DSCAM: variants seen among roughly 807,000 people sequenced by gnomAD.
DSCAM encodes the protein cell adhesion molecule DSCAM.
In DSCAM, 47 loss-of-function variants were observed where a neutral mutation model predicts 217.7. That is an observed-to-expected ratio of 0.22 (90% CI 0.17 to 0.28). The LOEUF (loss-of-function observed/expected upper bound fraction) is 0.28, where lower values mean the gene tolerates loss of function less well. Ranked by LOEUF, DSCAM falls within the 10% of genes least tolerant of loss-of-function variation. DSCAM has a pLI of 1.00. For synonymous variants in DSCAM, 1,056 were observed against 1,015.3 expected, an observed-to-expected ratio of 1.04 and a Z score of -0.76; for missense variants, 2,080 against 2,618.3, an observed-to-expected ratio of 0.79 and a Z score of 4.49.
intron 3 of DSCAM, among the ~76,000 whole-genome samples, chr21:40,387,741 G>GT (rs1432502276): frequency 5.3e-5 from 8 of 152,068 alleles, no homozygotes; most frequent in African/African-American, 1.9e-4. Context: ...ACTCGACAAT[G>GT]TTTACACAAT....
intron 3 of DSCAM, among the ~76,000 whole-genome samples, chr21:40,557,362 T>C (rs7277542): frequency 0.036 from 5,471 of 152,210 alleles, 337 homozygotes; most frequent in African/African-American, 0.13. Context: ...CTTGCTTCTT[T>C]TTTTCTTTTT....
At chr21:40,631,526 C>T (rs1476300725) in intron 3 of DSCAM, among the ~76,000 whole-genome samples, 1 of 152,184 alleles carries the variant, frequency 6.6e-6, no homozygotes, top group Middle Eastern at 3.2e-3. Flanking sequence ...ACCCCTGCAA[C>T]CCAATAAGAC....
intron 6 of DSCAM, among the ~76,000 whole-genome samples, chr21:40,342,435 G>C (rs1381323252): frequency 6.6e-6 from 1 of 151,370 alleles, no homozygotes; most frequent in East Asian, 1.9e-4. Context: ...GAATTATTCT[G>C]TTTTCTTTTG....
intron 3 of DSCAM, among the ~76,000 whole-genome samples, chr21:40,548,805 G>A (rs1314462564): frequency 2.0e-5 from 3 of 152,102 alleles, no homozygotes; most frequent in Admixed American, 6.6e-5. Context: ...TCCGTTAGAA[G>A]ACAAATTAAC....
At chr21:40,592,449 T>C (rs1026584380) in intron 3 of DSCAM, among the ~76,000 whole-genome samples, 2 of 152,150 alleles carry the variant, frequency 1.3e-5, no homozygotes, top group African/African-American at 4.8e-5. Context: ...CCTGCTCCAA[T>C]TGAAATAAAA....
intron 1 of DSCAM, among the ~76,000 whole-genome samples, chr21:40,777,723 C>T (rs2091501505): frequency 6.6e-6 from 1 of 151,968 alleles, no homozygotes; most frequent in African/African-American, 2.4e-5. Context: ...AAAAGAAAAT[C>T]ATTAAAAAGA....
chr21:40,159,073 C>T (rs1332114358), intron 16 of DSCAM, among the ~76,000 whole-genome samples: 1 of 152,100 alleles, frequency 6.6e-6, no homozygotes, highest in Admixed American at 6.5e-5. Flanking sequence ...ATAGCTGTGC[C>T]CTCCTGGCTG....
chr21:40,807,721 A>G (rs1312552111), intron 1 of DSCAM, among the ~76,000 whole-genome samples: 1 of 152,190 alleles, frequency 6.6e-6, no homozygotes, highest in Non-Finnish European at 1.5e-5. Context: ...AGAACCAGAG[A>G]GTGGTCAAGC....
chr21:40,176,558 C>G (rs1470837696), intron 15 of DSCAM, among the ~76,000 whole-genome samples: 1 of 152,156 alleles, frequency 6.6e-6, no homozygotes, highest in Non-Finnish European at 1.5e-5. Context: ...CCAGAGCACC[C>G]CATTCTAGGT....
intron 3 of DSCAM, chr21:40,615,349 C>T (rs1164173272): frequency 6.7e-6 from 1 of 148,448 alleles, no homozygotes; most frequent in Non-Finnish European, 1.5e-5. Flanking sequence ...ATGTTAACAG[C>T]AATTTTCTCT....
At chr21:40,125,934 A>G (rs531644609) in intron 19 of DSCAM, among the ~76,000 whole-genome samples, 24 of 152,340 alleles carry the variant, frequency 1.6e-4, no homozygotes, top group African/African-American at 5.5e-4. Context: ...TGTTCACCAC[A>G]GTGAACATTC....
chr21:40,479,047 G>C (rs2075960602), intron 3 of DSCAM, among the ~76,000 whole-genome samples: 1 of 152,236 alleles, frequency 6.6e-6, no homozygotes, highest in Non-Finnish European at 1.5e-5. Context: ...TGGAGCTGCA[G>C]ATAAGGGGGA....
intron 11 of DSCAM, among the ~76,000 whole-genome samples, chr21:40,231,126 T>A (rs1315950618): frequency 2.5e-5 from 1 of 40,142 alleles, no homozygotes; most frequent in African/African-American, 2.0e-4. Flanking sequence ...TGGAAGAGGT[T>A]TTTTTTTTTT....
chr21:40,196,096 G>C (rs2091004576), intron 11 of DSCAM, among the ~76,000 whole-genome samples: 1 of 152,204 alleles, frequency 6.6e-6, no homozygotes, highest in Admixed American at 6.5e-5. Context: ...TGCAGCTCAG[G>C]GTGCAGACCC....
intron 24 of DSCAM, among the ~76,000 whole-genome samples, chr21:40,082,907 C>T (rs947772710): frequency 6.6e-6 from 1 of 152,154 alleles, no homozygotes; most frequent in Non-Finnish European, 1.5e-5. Context: ...GGAGCTGCTC[C>T]AGCACACTAC....
chr21:40,048,983 C>T (rs1253294109), intron 30 of DSCAM, among the ~76,000 whole-genome samples: 1 of 152,118 alleles, frequency 6.6e-6, no homozygotes, highest in Non-Finnish European at 1.5e-5. Context: ...AAAAAATGAT[C>T]CAGCAGATCT....
intron 3 of DSCAM, among the ~76,000 whole-genome samples, chr21:40,672,211 C>T (rs187221372): frequency 8.6e-4 from 131 of 151,958 alleles, no homozygotes; most frequent in Non-Finnish European, 1.4e-3. Context: ...GTTAGGGCTT[C>T]AACATATATG....
chr21:40,630,358 G>A (rs990330422), intron 3 of DSCAM, among the ~76,000 whole-genome samples: 3 of 152,158 alleles, frequency 2.0e-5, no homozygotes, highest in African/African-American at 7.2e-5. Flanking sequence ...TTTATGTTAT[G>A]TATATTTTAC....
rs772233295 is a variant in DSCAM at position 40,757,783 on chromosome 21, A to G, written c.44-49012T>C. On this transcript the variant is annotated intron_variant, in intron 1 of 32. Transcript: ENST00000400454. ...TCATAAATGTTTGCCACTTTGGGCC[A>G]CTAAGTTTTGGCATCAAGTCTCGAT... 2.0e-5 allele frequency among the ~76,000 whole-genome samples: 3 copies of G among 152,218 alleles called. No individual in the cohort carries two copies. The South Asian group carries it at 6.2e-4, about 31-fold the overall frequency.
Sources: gnomAD v4.1 joint callset for allele counts (sites outside exome capture counted in the v4.1 genomes callset) on GRCh38, gnomAD v4.1.1 for gene constraint, MANE v1.5 for transcripts, NCBI Gene and HGNC (gene_info 2026-07-23, HGNC 2026-07-21) for gene names.